The following GARRE1 variants were observed in gnomAD, a reference collection of about 807,000 sequenced individuals.
GARRE1 encodes granule associated Rac and RHOG effector 1.
In GARRE1, 49 loss-of-function variants were observed where a neutral mutation model predicts 103.2. The ratio of observed to expected loss-of-function variants is 0.47; its 90% CI spans 0.38 to 0.60. The LOEUF is 0.60. Ranked by LOEUF, GARRE1 falls within the 20% of genes least tolerant of loss-of-function variation. The probability of loss-of-function intolerance (pLI) is 0.00; values close to 1 mark genes in which losing one functional copy is unlikely to be tolerated. For missense variants in GARRE1, 1,199 were observed against 1,370.5 expected, an observed-to-expected ratio of 0.87 and a Z score of 1.98; for synonymous variants, 505 against 532.8, an observed-to-expected ratio of 0.95 and a Z score of 0.72.
At position 34,327,441 on chromosome 19, in the gene GARRE1, A is replaced by G; in HGVS notation, c.726A>G (p.Glu242=). The G allele has an allele frequency of 6.2e-7, 1 of 1,614,146 alleles. No individual in the cohort carries two copies. Among genetic ancestry groups the G allele is most frequent in the Non-Finnish European group, 8.5e-7 (1 of 1,180,026 alleles). The part of the protein sequence containing the change: ...GAAEATSRLR[E]RGCDGCLAGI... Reference sequence around the variant, plus strand: ...TACAGGCGACATCTAGACTAAGAGAAAGAGGCTGTGATGGTTGCCTGGCAG... The same window carrying G: ...TACAGGCGACATCTAGACTAAGAGAGAGAGGCTGTGATGGTTGCCTGGCAG... The change falls in exon 4 of 14, where the codon GAA becomes GAG. Residue 242 remains glutamate, a synonymous_variant. Coordinates refer to ENST00000299505, the MANE Select transcript of GARRE1 (RefSeq NM_014686.5).
intron 1 of GARRE1, among the ~76,000 whole-genome samples, chr19:34,276,043 G>GT (rs2073815261): frequency 6.6e-6 from 1 of 151,818 alleles, no homozygotes; most frequent in South Asian, 2.1e-4. Context: ...TTTGTGTTTT[G>GT]TTTGTTTTTT....
chr19:34,292,152 G>A (rs1477070962), intron 1 of GARRE1, among the ~76,000 whole-genome samples: 2 of 152,040 alleles, frequency 1.3e-5, no homozygotes, highest in Non-Finnish European at 2.9e-5. Context: ...GTGAGCCACC[G>A]CACCCGCCCA....
rs2073681805 is a variant in GARRE1 at position 34,257,511 on chromosome 19, T to TCTC, written c.-796+2897_-796+2898insCTC. 4.0e-5 allele frequency among the ~76,000 whole-genome samples: 6 copies of TCTC among 150,162 alleles called. No individual in the cohort carries two copies. The South Asian group carries it at 6.4e-4, about 16-fold the overall frequency. ...AGCCACCACCCCTGGCTAATCACTC[T>TCTC]TTTTTCCTCCTGTAACTTTGTCCTT... On this transcript the variant is annotated intron_variant, in intron 1 of 13. Transcript: ENST00000299505.
At chr19:34,317,593 A>G (rs1473424496) in intron 2 of GARRE1, among the ~76,000 whole-genome samples, 7 of 152,174 alleles carry the variant, frequency 4.6e-5, no homozygotes, top group Admixed American at 2.0e-4. Flanking sequence ...TTCCTGTCAC[A>G]TGCAAGCCGA....
intron 1 of GARRE1, among the ~76,000 whole-genome samples, chr19:34,276,265 G>T (rs1262511986): frequency 6.6e-6 from 1 of 152,142 alleles, no homozygotes; most frequent in Admixed American, 6.6e-5. Context: ...CTGGTCTCAT[G>T]CTCCTGACCT....
Position 34,307,788 on chromosome 19 carries a change from AC to A in GARRE1, c.495+6821del, listed in dbSNP as rs1442008573. Among the ~76,000 whole-genome samples, 3 of 128,768 alleles carry A rather than the reference AC, an allele frequency of 2.3e-5. No individual in the cohort carries two copies. In the East Asian group the frequency reaches 6.2e-4, roughly 26 times the overall value. 84.5% of individuals were successfully genotyped at this position (128,768 alleles called of 152,430 possible). Reference sequence around the variant, plus strand: ...TATATATATACTATAAAATATATATACTATAAAAAAAAAATATATATATATA... The same window carrying A: ...TATATATATACTATAAAATATATATATATAAAAAAAAAATATATATATATA... On this transcript the variant is annotated intron_variant, in intron 2 of 13. Coordinates refer to ENST00000299505, the MANE Select transcript of GARRE1 (RefSeq NM_014686.5).
rs146233083 is a variant in GARRE1 at position 34,260,089 on chromosome 19, A to G, written c.-796+5475A>G. On this transcript the variant is annotated intron_variant, in intron 1 of 13. Coordinates refer to ENST00000299505, the MANE Select transcript of GARRE1 (RefSeq NM_014686.5). ...GGCATTTCCCCATAGCAGGGTGAGAACAGACTAATAAACCTTATTTTAAGA... is the reference window on the plus strand; with the variant it reads ...GGCATTTCCCCATAGCAGGGTGAGAGCAGACTAATAAACCTTATTTTAAGA... Among the ~76,000 whole-genome samples the G allele has an allele frequency of 1.5e-3, 236 of 152,364 alleles. 1 individual carries two copies. Among genetic ancestry groups the G allele is most frequent in the Non-Finnish European group, 2.9e-3 (197 of 68,040 alleles).
At position 34,341,823 on chromosome 19, in the gene GARRE1, A is replaced by G. The variant is rs200013724; in HGVS notation, c.1889A>G (p.Asp630Gly). Reference sequence around the variant, plus strand: ...AGGCGTGAGAACTTCCTGCATGGAGATGACGGCAAGGATGAGAAGGGTATG... The same window carrying G: ...AGGCGTGAGAACTTCCTGCATGGAGGTGACGGCAAGGATGAGAAGGGTATG... ...MERRENFLHG[D>G]DGKDEKGMNL... The change falls in exon 10 of 14, where the codon GAT becomes GGT. Residue 630 changes from aspartate (D) to glycine (G), a missense_variant. Physicochemically the swap from Asp to Gly is moderately conservative, Grantham distance 94 (BLOSUM62 -1). Coordinates refer to ENST00000299505, the MANE Select transcript of GARRE1 (RefSeq NM_014686.5). The G allele has an allele frequency of 3.7e-6, 6 of 1,614,046 alleles. No individual in the cohort carries two copies. Among genetic ancestry groups the G allele is most frequent in the Non-Finnish European group, 1.7e-6 (2 of 1,180,030 alleles).
chr19:34,301,699 T>G (rs2073979967), intron 2 of GARRE1, among the ~76,000 whole-genome samples: 1 of 151,290 alleles, frequency 6.6e-6, no homozygotes, highest in Non-Finnish European at 1.5e-5. Context: ...TTTTTTTTTT[T>G]TGAGACGGAG....
chr19:34,280,526 T>C lies in GARRE1; in HGVS notation c.-795-19153T>C, dbSNP rs141678159. On this transcript the variant is annotated intron_variant, in intron 1 of 13. Coordinates refer to ENST00000299505, the MANE Select transcript of GARRE1 (RefSeq NM_014686.5). ...TCTATGGATTGCTTTTTGCTTGTAA[T>C]GTCCTTTGATGCCTAAAAGTTTTGA... Among the ~76,000 whole-genome samples the C allele has an allele frequency of 2.8e-3, 432 of 152,326 alleles. 4 individuals carry two copies. The highest frequency in any genetic ancestry group is 9.8e-3 in the African/African-American group (406 of 41,572).
At position 34,315,710 on chromosome 19, in the gene GARRE1, C is replaced by CAAAAA. The variant is rs35321775; in HGVS notation, c.496-4179_496-4175dup. Among the ~76,000 whole-genome samples, 49 of 62,490 alleles carry CAAAAA rather than the reference C, an allele frequency of 7.8e-4. 3 individuals carry two copies. The highest frequency in any genetic ancestry group is 0.015 in the Middle Eastern group (1 of 66). 41.0% of individuals were successfully genotyped at this position (62,490 alleles called of 152,430 possible). On this transcript the variant is annotated intron_variant, in intron 2 of 13. Transcript: ENST00000299505. ...TGGGCAACAGAGCAAGACTCTGTCTCAAAAAAAAAAAAAAAAAAAAAAGGG... is the reference window on the plus strand; with the variant it reads ...TGGGCAACAGAGCAAGACTCTGTCTCAAAAAAAAAAAAAAAAAAAAAAAAAAAGGG...
chr19:34,345,080 C>T lies in GARRE1; in HGVS notation c.2521+2625C>T, dbSNP rs1182654362. Among the ~76,000 whole-genome samples, 3 of 152,282 alleles carry T rather than the reference C, an allele frequency of 2.0e-5. No individual in the cohort carries two copies. The East Asian group carries it at 5.8e-4, about 29-fold the overall frequency. On this transcript the variant is annotated intron_variant, in intron 10 of 13. Coordinates refer to ENST00000299505, the MANE Select transcript of GARRE1 (RefSeq NM_014686.5). ...GTCTCTATCTCCTGACCTCGTGATC[C>T]GCCCACCTCGGCCTCCCAAAGTGCT...
chr19:34,347,023 A>G (rs2074214502), intron 10 of GARRE1, among the ~76,000 whole-genome samples: 1 of 151,932 alleles, frequency 6.6e-6, no homozygotes, highest in Non-Finnish European at 1.5e-5. Context: ...TCCTGGGCCC[A>G]AGTGATCCCC....
intron 3 of GARRE1, among the ~76,000 whole-genome samples, chr19:34,323,064 G>A (rs1442273782): frequency 1.4e-4 from 15 of 104,078 alleles, no homozygotes; most frequent in Admixed American, 9.1e-4. Flanking sequence ...GTGGAGTCTC[G>A]CTGTTGCCCA....
chr19:34,264,829 T>C (rs1384933573), intron 1 of GARRE1, among the ~76,000 whole-genome samples: 1 of 152,180 alleles, frequency 6.6e-6, no homozygotes, highest in East Asian at 1.9e-4. Flanking sequence ...CTATGAGGTG[T>C]TCTGTGTGAC....
intron 7 of GARRE1, among the ~76,000 whole-genome samples, chr19:34,330,835 A>G (rs2074134359): frequency 6.7e-6 from 1 of 149,890 alleles, no homozygotes; most frequent in Non-Finnish European, 1.5e-5. Context: ...TCTGGGCTCA[A>G]GTGATTCTCC....
At chr19:34,262,897 TA>T (rs1376335380) in intron 1 of GARRE1, among the ~76,000 whole-genome samples, 1 of 152,116 alleles carries the variant, frequency 6.6e-6, no homozygotes, top group African/African-American at 2.4e-5. Context: ...ACTTTTGAAG[TA>T]ATATGAGCTC....
At position 34,301,961 on chromosome 19, in the gene GARRE1, G is replaced by T. The variant is rs554296500; in HGVS notation, c.495+993G>T. Among the ~76,000 whole-genome samples the T allele has an allele frequency of 2.4e-3, 343 of 144,560 alleles. 2 individuals are homozygous for T. The South Asian group carries it at 0.031, about 13-fold the overall frequency. The allele number at this position is 144,560 out of a possible 152,430, so 94.8% of individuals were successfully genotyped here. On this transcript the variant is annotated intron_variant, in intron 2 of 13. Coordinates refer to ENST00000299505, the MANE Select transcript of GARRE1 (RefSeq NM_014686.5). Reference sequence around the variant, plus strand: ...GTCTCCCAAAGTGTTGGGATTACAGGTGTGAGCCACTGCGCCCAGCCTTTT... The same window carrying T: ...GTCTCCCAAAGTGTTGGGATTACAGTTGTGAGCCACTGCGCCCAGCCTTTT...
Position 34,341,430 on chromosome 19 carries a change from C to G in GARRE1, c.1496C>G (p.Ala499Gly). Residue 499 changes from alanine to glycine, a missense_variant, in exon 10 of 14, where the codon GCT becomes GGT. By Grantham distance (60) the Ala-to-Gly change is moderately conservative. Transcript: ENST00000299505. ...LNRWRAGREQ[A>G]LPCIQIQLQR... Reference sequence around the variant, plus strand: ...AATTTCTGTTTAAATAGGGAGCAAGCTTTACCCTGCATACAGATCCAGCTG... The same window carrying G: ...AATTTCTGTTTAAATAGGGAGCAAGGTTTACCCTGCATACAGATCCAGCTG... The G allele has an allele frequency of 6.2e-7, 1 of 1,611,342 alleles. No individual in the cohort carries two copies. Among genetic ancestry groups the G allele is most frequent in the Non-Finnish European group, 8.5e-7 (1 of 1,179,122 alleles).
Sources: allele counts gnomAD v4.1 joint callset (sites outside exome capture counted in the v4.1 genomes callset), GRCh38; gene constraint gnomAD v4.1.1; transcripts MANE v1.5; gene names NCBI Gene and HGNC (gene_info 2026-07-23, HGNC 2026-07-21).